COL8A1: variants seen among roughly 807,000 people sequenced by gnomAD.
The protein encoded by COL8A1 is collagen type VIII alpha 1 chain.
COL8A1 carries 21 observed loss-of-function variants against 42.7 expected under a neutral mutation model. The observed-to-expected ratio is 0.49, with a 90% CI of 0.35 to 0.71. The LOEUF (loss-of-function observed/expected upper bound fraction) is 0.71. Among genes scored for constraint, COL8A1 ranks in the 30% least tolerant of loss-of-function variants. COL8A1 has a pLI of 0.01. For synonymous variants in COL8A1, 367 were observed against 369.1 expected, an observed-to-expected ratio of 0.99 and a Z score of 0.06; for missense variants, 788 against 962.4, an observed-to-expected ratio of 0.82 and a Z score of 2.40.
intron 1 of COL8A1, among the ~76,000 whole-genome samples, chr3:99,663,250 C>T (rs13090311): frequency 0.084 from 12,722 of 152,200 alleles, 743 homozygotes; most frequent in Non-Finnish European, 0.13. Flanking sequence ...ACTGCAGCCT[C>T]GAACTCCTAG....
intron 1 of COL8A1, among the ~76,000 whole-genome samples, chr3:99,659,464 A>C (rs1159437687): frequency 6.6e-6 from 1 of 152,214 alleles, no homozygotes; most frequent in African/African-American, 2.4e-5. Context: ...ATTGCTAATA[A>C]TAATAACTAT....
In COL8A1 at chr3:99,798,055, T is replaced by C. The variant is rs902496690; in HGVS notation, c.*1919T>C. 12 of 152,258 alleles carry C rather than the reference T, an allele frequency of 7.9e-5. No individual in the cohort carries two copies. Among genetic ancestry groups the C allele is most frequent in the African/African-American group, 1.4e-4 (6 of 41,552 alleles). 9.4% of individuals were successfully genotyped at this position (152,258 alleles called of 1,614,324 possible). A position where few individuals can be genotyped will look rare whatever the true frequency, so the allele number is the denominator to read the frequency against. ...AAACCATGAGTTAAGGGGATAGATA[T>C]AGATGGAAAAATACACAAATAAATA... is the stretch of plus-strand genomic sequence containing the variant. On this transcript the variant is annotated 3_prime_UTR_variant, in exon 4 of 4. Coordinates refer to ENST00000652472, the MANE Select transcript of COL8A1 (RefSeq NM_020351.4).
intron 1 of COL8A1, among the ~76,000 whole-genome samples, chr3:99,738,599 G>A (rs148993116): frequency 0.028 from 4,250 of 152,310 alleles, 131 homozygotes; most frequent in Admixed American, 0.086. Context: ...CTCCAGCTGC[G>A]TGATGGGAGA....
chr3:99,669,151 GGAGAGAGAGAGAGA>G (rs36015819), intron 1 of COL8A1, among the ~76,000 whole-genome samples: 3 of 114,048 alleles, frequency 2.6e-5, no homozygotes, highest in East Asian at 2.7e-4. Flanking sequence ...ATATATAGAG[GGAGAGAGAGAGAGA>G]GAGAGAGAGA....
intron 1 of COL8A1, among the ~76,000 whole-genome samples, chr3:99,665,849 T>C (rs894476189): frequency 7.9e-6 from 1 of 126,414 alleles, no homozygotes; most frequent in Non-Finnish European, 1.7e-5. Flanking sequence ...ACTTAGCTAA[T>C]TTTTTTTTTT....
intron 2 of COL8A1, among the ~76,000 whole-genome samples, chr3:99,787,585 A>G (rs1271873457): frequency 3.9e-5 from 6 of 152,180 alleles, no homozygotes; most frequent in Admixed American, 2.0e-4. Flanking sequence ...TGAAGAATTC[A>G]TATTATCATT....
At chr3:99,792,221 C>T (rs1942014805) in intron 3 of COL8A1, among the ~76,000 whole-genome samples, 2 of 152,206 alleles carry the variant, frequency 1.3e-5, no homozygotes, top group South Asian at 4.1e-4. Flanking sequence ...TTATCTCAGA[C>T]ATTTCTTTTC....
intron 2 of COL8A1, among the ~76,000 whole-genome samples, chr3:99,766,489 T>C (rs1559630664): frequency 1.3e-5 from 2 of 152,382 alleles, no homozygotes; most frequent in East Asian, 3.9e-4. Context: ...TAAACTTTTA[T>C]ATTCTTTCCT....
intron 1 of COL8A1, among the ~76,000 whole-genome samples, chr3:99,693,037 T>C (rs770748141): frequency 1.1e-4 from 16 of 152,124 alleles, no homozygotes; most frequent in Non-Finnish European, 2.1e-4. Context: ...CGTGTGTTTG[T>C]AATCCCAGCT....
intron 2 of COL8A1, among the ~76,000 whole-genome samples, chr3:99,764,047 T>C (rs1941413409): frequency 6.6e-6 from 1 of 152,174 alleles, no homozygotes; most frequent in South Asian, 2.1e-4. Context: ...CCAGGATTTC[T>C]TGCTTTCTCT....
intron 1 of COL8A1, among the ~76,000 whole-genome samples, chr3:99,739,006 C>T (rs970725734): frequency 6.6e-6 from 1 of 152,160 alleles, no homozygotes; most frequent in Non-Finnish European, 1.5e-5. Context: ...GTCCGTCACC[C>T]CTTTCTTTGA....
intron 1 of COL8A1, among the ~76,000 whole-genome samples, chr3:99,743,930 C>CTTT (rs1311089601): frequency 2.1e-5 from 3 of 139,976 alleles, no homozygotes; most frequent in Non-Finnish European, 3.1e-5. Flanking sequence ...GTAGATAATT[C>CTTT]TTTTTTTTTT....
At chr3:99,669,939 C>A (rs1938490566) in intron 1 of COL8A1, among the ~76,000 whole-genome samples, 1 of 151,872 alleles carries the variant, frequency 6.6e-6, no homozygotes, top group South Asian at 2.1e-4. Flanking sequence ...TCACTTCATT[C>A]CAGCGGAAAA....
chr3:99,669,146 T>TATATATATATATATATAGAGAGAG, intron 1 of COL8A1, among the ~76,000 whole-genome samples: 8 of 115,388 alleles, frequency 6.9e-5, no homozygotes, highest in East Asian at 3.1e-4. Flanking sequence ...TATATATATA[T>TATATATATATATATATAGAGAGAG]AGAGGGAGAG....
At chr3:99,723,311 A>G (rs1414096769) in intron 1 of COL8A1, among the ~76,000 whole-genome samples, 1 of 152,062 alleles carries the variant, frequency 6.6e-6, no homozygotes, top group Non-Finnish European at 1.5e-5. Flanking sequence ...AGAGATACCT[A>G]TCGGCTCAGG....
chr3:99,751,966 T>C (rs1028293373), intron 2 of COL8A1, among the ~76,000 whole-genome samples: 1 of 152,170 alleles, frequency 6.6e-6, no homozygotes, highest in Non-Finnish European at 1.5e-5. Flanking sequence ...TGAAGAATAA[T>C]GGGACATTCA....
chr3:99,686,254 T>C (rs974113488), intron 1 of COL8A1, among the ~76,000 whole-genome samples: 1 of 152,246 alleles, frequency 6.6e-6, no homozygotes, highest in African/African-American at 2.4e-5. Flanking sequence ...TATAATTTAC[T>C]ACAATACACT....
chr3:99,772,311 G>A (rs1009454941), intron 2 of COL8A1, among the ~76,000 whole-genome samples: 1 of 152,150 alleles, frequency 6.6e-6, no homozygotes, highest in African/African-American at 2.4e-5. Flanking sequence ...GGTTGGGGAG[G>A]GTGAGTAGAG....
At chr3:99,671,319 AAACTT>A (rs1938537014) in intron 1 of COL8A1, among the ~76,000 whole-genome samples, 1 of 152,004 alleles carries the variant, frequency 6.6e-6, no homozygotes, top group African/African-American at 2.4e-5. Context: ...CTAAGGTAGA[AAACTT>A]AATGCTCTTG....
Sources: allele counts gnomAD v4.1 joint callset (sites outside exome capture counted in the v4.1 genomes callset), GRCh38; gene constraint gnomAD v4.1.1; transcripts MANE v1.5; gene names NCBI Gene and HGNC (gene_info 2026-07-23, HGNC 2026-07-21).